Variants in KIAA0232 observed in about 807,000 individuals in gnomAD.
The protein encoded by KIAA0232 is uncharacterized protein KIAA0232.
KIAA0232 carries 27 observed loss-of-function variants against 122.0 expected under a neutral mutation model. That is an observed-to-expected ratio of 0.22 (90% CI 0.16 to 0.31). The LOEUF is 0.31. Among genes scored for constraint, KIAA0232 ranks in the 10% least tolerant of loss-of-function variants. The probability of loss-of-function intolerance (pLI) is 1.00; values close to 1 mark genes in which losing one functional copy is unlikely to be tolerated. For missense variants in KIAA0232, 1,551 were observed against 1,634.2 expected (o/e 0.95, Z 0.88); for synonymous variants, 613 against 587.6 (o/e 1.04, Z -0.63).
At chr4:6,857,328 C>G (rs1318756727) in intron 5 of KIAA0232, 98 bp downstream of exon 5, 13 of 1,051,508 alleles carry the variant, frequency 1.2e-5, no homozygotes, top group Admixed American at 5.1e-5. Flanking sequence ...AGAAAACAAC[C>G]AGAACAAAGT....
intron 3 of KIAA0232, among the ~76,000 whole-genome samples, chr4:6,832,814 T>TGTA (rs1288940600): frequency 1.3e-5 from 2 of 152,198 alleles, no homozygotes; most frequent in Non-Finnish European, 2.9e-5. Context: ...TAGGAGTGGG[T>TGTA]GTAGACCCCA....
At position 6,862,348 on chromosome 4, in the gene KIAA0232, A is replaced by G. The variant is rs1449905845; in HGVS notation, c.1966A>G (p.Ser656Gly). 6.2e-6 allele frequency: 10 copies of G among 1,614,188 alleles called. No homozygotes were observed. In the African/African-American group the frequency reaches 1.3e-4, roughly 22 times the overall value. Residue 656 changes from serine (S) to glycine (G), a missense_variant, in exon 7 of 10, where the codon AGT (serine) becomes GGT (glycine). Coordinates refer to ENST00000307659, the MANE Select transcript of KIAA0232 (RefSeq NM_014743.3). ...TTTTTCAGTGTTTGAAGTGCAATGC[A>G]GTAATTCTGTTTTACCATTTTCTTT... The part of the protein sequence containing the change: ...SCFSVFEVQC[S>G]NSVLPFSFET...
chr4:6,848,555 C>T (rs754478536), intron 4 of KIAA0232, among the ~76,000 whole-genome samples: 27 of 152,170 alleles, frequency 1.8e-4, no homozygotes, highest in Non-Finnish European at 3.4e-4. Context: ...TTAAAACATA[C>T]AGGAGGATGT....
chr4:6,818,432 G>C (rs1263326173), intron 2 of KIAA0232, among the ~76,000 whole-genome samples: 2 of 150,096 alleles, frequency 1.3e-5, no homozygotes, highest in Admixed American at 1.3e-4. Context: ...TACACTCCCT[G>C]GACTGGCAGT....
At chr4:6,872,569 C>T (rs772588474) in intron 8 of KIAA0232, among the ~76,000 whole-genome samples, 10 of 152,194 alleles carry the variant, frequency 6.6e-5, no homozygotes, top group Non-Finnish European at 1.2e-4. Context: ...ACTAAGGATG[C>T]AACCAGAATT....
At chr4:6,820,259 TAAAAA>T (rs1278732238) in intron 2 of KIAA0232, among the ~76,000 whole-genome samples, 1 of 151,898 alleles carries the variant, frequency 6.6e-6, no homozygotes. Context: ...AAATAAAAGT[TAAAAA>T]GAAAAAAGAA....
intron 2 of KIAA0232, among the ~76,000 whole-genome samples, chr4:6,815,724 G>A (rs902856511): frequency 1.3e-5 from 2 of 152,086 alleles, no homozygotes; most frequent in African/African-American, 4.8e-5. Flanking sequence ...TCTGTACTGT[G>A]TAGATTTTAA....
intron 2 of KIAA0232, among the ~76,000 whole-genome samples, chr4:6,809,346 A>C (rs537255606): frequency 2.0e-5 from 3 of 152,238 alleles, no homozygotes; most frequent in Non-Finnish European, 4.4e-5. Flanking sequence ...GCTTTGACTC[A>C]TAAAATGTGA....
At chr4:6,852,055 G>C (rs1043803167) in intron 4 of KIAA0232, among the ~76,000 whole-genome samples, 6 of 150,868 alleles carry the variant, frequency 4.0e-5, no homozygotes, top group Admixed American at 4.0e-4. Flanking sequence ...TTTTTTTTCA[G>C]CATTCTAAAG....
chr4:6,787,439 G>T (rs1204923724), intron 1 of KIAA0232, among the ~76,000 whole-genome samples: 1 of 152,160 alleles, frequency 6.6e-6, no homozygotes, highest in African/African-American at 2.4e-5. Flanking sequence ...GGTTATTCCT[G>T]TTGCTTTGTA....
At chr4:6,860,201 C>G (rs971067127) in intron 6 of KIAA0232, among the ~76,000 whole-genome samples, 1 of 152,192 alleles carries the variant, frequency 6.6e-6, no homozygotes, top group Admixed American at 6.5e-5. Flanking sequence ...AGCTGCTGTT[C>G]CAACTCATTT....
At chr4:6,833,030 C>T (rs1719073744) in intron 3 of KIAA0232, among the ~76,000 whole-genome samples, 1 of 152,206 alleles carries the variant, frequency 6.6e-6, no homozygotes, top group Non-Finnish European at 1.5e-5. Flanking sequence ...ATTCAACAGA[C>T]CTTATTTGCT....
intron 7 of KIAA0232, among the ~76,000 whole-genome samples, chr4:6,870,056 A>G (rs939773004): frequency 6.6e-6 from 1 of 152,182 alleles, no homozygotes; most frequent in Non-Finnish European, 1.5e-5. Flanking sequence ...ACAGTGAGGA[A>G]GGCACACTGA....
intron 2 of KIAA0232, among the ~76,000 whole-genome samples, chr4:6,821,452 T>C (rs1718419470): frequency 6.6e-6 from 1 of 152,160 alleles, no homozygotes; most frequent in Admixed American, 6.5e-5. Flanking sequence ...TAGCTCCCGC[T>C]TGTGAGTGAA....
chr4:6,849,213 C>T (rs1720137914), intron 4 of KIAA0232, among the ~76,000 whole-genome samples: 1 of 152,164 alleles, frequency 6.6e-6, no homozygotes, highest in Admixed American at 6.5e-5. Flanking sequence ...AGGCAGATGG[C>T]TGGGGGATTC....
chr4:6,816,288 G>GTTTTTGT, intron 2 of KIAA0232, among the ~76,000 whole-genome samples: 1 of 142,640 alleles, frequency 7.0e-6, no homozygotes, highest in South Asian at 2.2e-4. Flanking sequence ...TCTTTTTTTT[G>GTTTTTGT]TTTTTTTTTT....
Position 6,881,759 on chromosome 4 carries a change from T to G in KIAA0232, c.*793T>G, listed in dbSNP as rs1475351688. On this transcript the variant is annotated 3_prime_UTR_variant, in exon 10 of 10. Coordinates refer to ENST00000307659, the MANE Select transcript of KIAA0232 (RefSeq NM_014743.3). ...CCCATGCAGGGTTCTTTGTGGTGAG[T>G]GTTCCATACGTGCTAAGGACCTTAG... is the stretch of plus-strand genomic sequence containing the variant. The G allele has an allele frequency of 6.6e-6, 1 of 152,578 alleles. No homozygotes were observed. The highest frequency in any genetic ancestry group is 2.4e-5 in the African/African-American group (1 of 41,416). The allele number at this position is 152,578 out of a possible 1,614,324, so 9.5% of individuals were successfully genotyped here.
At chr4:6,807,298 A>G (rs1717682199) in intron 2 of KIAA0232, among the ~76,000 whole-genome samples, 1 of 152,242 alleles carries the variant, frequency 6.6e-6, no homozygotes. Context: ...CTTGCTATCA[A>G]GTAGTAATCT....
chr4:6,783,967 T>G (rs995295519), intron 1 of KIAA0232, among the ~76,000 whole-genome samples: 2 of 152,084 alleles, frequency 1.3e-5, no homozygotes, highest in Non-Finnish European at 2.9e-5. Flanking sequence ...TCAGCTTGCG[T>G]CTTGTGGTGC....
Sources: allele counts gnomAD v4.1 joint callset (sites outside exome capture counted in the v4.1 genomes callset), GRCh38; gene constraint gnomAD v4.1.1; transcripts MANE v1.5; gene names NCBI Gene and HGNC (gene_info 2026-07-23, HGNC 2026-07-21).